Variants in IL1RAPL2 observed in about 807,000 individuals in gnomAD.
IL1RAPL2 encodes X-linked interleukin-1 receptor accessory protein-like 2.
IL1RAPL2 carries 3 observed loss-of-function variants against 44.1 expected under a neutral mutation model. The observed-to-expected ratio is 0.07, with a 90% confidence interval of 0.03 to 0.18. IL1RAPL2 has a LOEUF of 0.18. Among genes scored for constraint, IL1RAPL2 ranks in the 10% least tolerant of loss-of-function variants. The probability of loss-of-function intolerance (pLI) is 1.00; values close to 1 mark genes in which losing one functional copy is unlikely to be tolerated. For synonymous variants in IL1RAPL2, 181 were observed against 178.8 expected (o/e 1.01, Z -0.10); for missense variants, 391 against 496.4 (o/e 0.79, Z 2.02).
At chrX:105,291,678 C>G (rs1465915548) in intron 5 of IL1RAPL2, among the ~76,000 whole-genome samples, 1 of 111,276 alleles carries the variant, frequency 9.0e-6, no homozygotes, top group Non-Finnish European at 1.9e-5. Flanking sequence ...TAGATATAAT[C>G]ATTTTTTTCA....
In IL1RAPL2 at chrX:105,345,235, T is replaced by C. The variant is rs1366410842; in HGVS notation, c.697+77694T>C. Among the ~76,000 whole-genome samples the C allele has an allele frequency of 2.7e-5, 3 of 112,116 alleles. No homozygotes were observed. In the East Asian group the frequency reaches 8.4e-4, roughly 32 times the overall value. The stretch of plus-strand genomic sequence containing the variant: ...CATAATCACCCTAGTTTAAAAATCA[T>C]TTATCAGATGCCTACTCAATTATCT... On this transcript the variant is annotated intron_variant, in intron 5 of 10. Transcript: ENST00000372582.
intron 2 of IL1RAPL2, among the ~76,000 whole-genome samples, chrX:104,875,685 A>G (rs1237185106): frequency 1.8e-5 from 2 of 111,666 alleles, no homozygotes; most frequent in Non-Finnish European, 3.8e-5. Flanking sequence ...TCAAAGATCA[A>G]CTTCTCAGAG....
At chrX:105,463,236 A>G (rs899704405) in intron 5 of IL1RAPL2, among the ~76,000 whole-genome samples, 5 of 110,885 alleles carry the variant, frequency 4.5e-5, no homozygotes, top group African/African-American at 1.6e-4. Context: ...GTATTTATTG[A>G]GCCCTTAGTA....
At chrX:105,075,120 A>C (rs1361073355) in intron 2 of IL1RAPL2, among the ~76,000 whole-genome samples, 3 of 111,108 alleles carry the variant, frequency 2.7e-5, no homozygotes, top group Non-Finnish European at 5.7e-5. Context: ...GTCTTGTGCC[A>C]GTTTTCAAAG....
intron 5 of IL1RAPL2, among the ~76,000 whole-genome samples, chrX:105,467,774 C>T (rs988676834): frequency 9.0e-6 from 1 of 111,491 alleles, no homozygotes; most frequent in Non-Finnish European, 1.9e-5. Flanking sequence ...AAACAGGAAC[C>T]AGGAGGAAAT....
intron 1 of IL1RAPL2, among the ~76,000 whole-genome samples, chrX:104,626,160 T>C (rs371312423): frequency 9.0e-6 from 1 of 111,373 alleles, no homozygotes; most frequent in East Asian, 2.8e-4. Context: ...TCTCTCCCAA[T>C]GAATGTTAGT....
rs1231030546 is a variant in IL1RAPL2, at chrX:104,884,425, A to G, written c.82+225430A>G. 1.3e-4 allele frequency among the ~76,000 whole-genome samples: 14 copies of G among 111,467 alleles called. No individual in the cohort carries two copies. In the South Asian group the frequency reaches 4.9e-3, roughly 39 times the overall value. On this transcript the variant is annotated intron_variant, in intron 2 of 10. Transcript: ENST00000372582. The stretch of plus-strand genomic sequence containing the variant: ...ATCAGCAGGGTCCAGGGACTGTTGC[A>G]GGTTCTTGGGCAGGGGAAGAAACAA...
At chrX:104,720,104 T>C (rs1196801203) in intron 2 of IL1RAPL2, among the ~76,000 whole-genome samples, 1 of 112,055 alleles carries the variant, frequency 8.9e-6, no homozygotes, top group Admixed American at 9.5e-5. Flanking sequence ...CTAACAGTAT[T>C]CTATTTCTAC....
At chrX:105,047,252 C>T (rs1015454586) in intron 2 of IL1RAPL2, among the ~76,000 whole-genome samples, 7 of 111,178 alleles carry the variant, frequency 6.3e-5, no homozygotes, top group African/African-American at 2.0e-4. Context: ...AATATTATTC[C>T]AAAAAGCATC....
chrX:104,598,186 T>G (rs1433619917), intron 1 of IL1RAPL2, among the ~76,000 whole-genome samples: 2 of 112,477 alleles, frequency 1.8e-5, no homozygotes, highest in Non-Finnish European at 3.7e-5. Context: ...GCTTGCCTTC[T>G]TATGTCTGGA....
At chrX:105,010,570 T>C (rs894639965) in intron 2 of IL1RAPL2, among the ~76,000 whole-genome samples, 24 of 111,633 alleles carry the variant, frequency 2.1e-4, no homozygotes, top group Non-Finnish European at 4.2e-4. Context: ...TTTCTTTAGA[T>C]AGCAATGCTA....
chrX:105,045,928 TA>T (rs2031831774), intron 2 of IL1RAPL2, among the ~76,000 whole-genome samples: 1 of 111,198 alleles, frequency 9.0e-6, no homozygotes, highest in Non-Finnish European at 1.9e-5. Flanking sequence ...AAAAAATTAT[TA>T]AATTTGGCTA....
intron 2 of IL1RAPL2, among the ~76,000 whole-genome samples, chrX:104,883,764 C>T (rs1482895059): frequency 4.5e-5 from 5 of 111,607 alleles, no homozygotes; most frequent in Non-Finnish European, 9.4e-5. Context: ...ACCCAAAGCC[C>T]CATCACAGGG....
chrX:104,885,935 A>C (rs963558678), intron 2 of IL1RAPL2, among the ~76,000 whole-genome samples: 1 of 113,079 alleles, frequency 8.8e-6, no homozygotes, highest in Non-Finnish European at 1.9e-5. Context: ...ATGATCCAAC[A>C]ACAGGACCGA....
At chrX:104,909,960 C>T (rs970332345) in intron 2 of IL1RAPL2, among the ~76,000 whole-genome samples, 2 of 112,472 alleles carry the variant, frequency 1.8e-5, no homozygotes, top group South Asian at 3.6e-4. Context: ...GCCTCGCTGA[C>T]GCCTTGCAGT....
At chrX:104,574,880 T>G (rs958844964) in intron 1 of IL1RAPL2, among the ~76,000 whole-genome samples, 7 of 112,245 alleles carry the variant, frequency 6.2e-5, no homozygotes, top group African/African-American at 2.3e-4. Flanking sequence ...ATAGAAAGTT[T>G]TTCACCAAAA....
At chrX:104,651,398 T>C (rs946569277) in intron 1 of IL1RAPL2, among the ~76,000 whole-genome samples, 1 of 112,108 alleles carries the variant, frequency 8.9e-6, no homozygotes. Flanking sequence ...AAAATCTAGT[T>C]CATGTTTTTG....
intron 2 of IL1RAPL2, among the ~76,000 whole-genome samples, chrX:104,920,143 T>C (rs1935789609): frequency 9.0e-6 from 1 of 111,355 alleles, no homozygotes; most frequent in Admixed American, 9.5e-5. Flanking sequence ...TGAGTTATAG[T>C]AGTAAATACA....
At chrX:105,014,119 G>GT (rs1215408304) in intron 2 of IL1RAPL2, among the ~76,000 whole-genome samples, 1 of 110,985 alleles carries the variant, frequency 9.0e-6, no homozygotes, top group Non-Finnish European at 1.9e-5. Flanking sequence ...ATTTCTTAAG[G>GT]TTTTTTTTAG....
Sources: gnomAD v4.1 joint callset for allele counts (sites outside exome capture counted in the v4.1 genomes callset) on GRCh38, gnomAD v4.1.1 for gene constraint, MANE v1.5 for transcripts, NCBI Gene and HGNC (gene_info 2026-07-23, HGNC 2026-07-21) for gene names.